The following DLGAP1 variants were observed in gnomAD, a reference collection of about 807,000 sequenced individuals.
DLGAP1 encodes disks large-associated protein 1.
In DLGAP1, 11 loss-of-function variants were observed where a neutral mutation model predicts 90.8. The observed-to-expected ratio is 0.12, with a 90% CI of 0.08 to 0.20. The LOEUF (loss-of-function observed/expected upper bound fraction) is 0.20. Ranked by LOEUF, DLGAP1 falls within the 10% of genes least tolerant of loss-of-function variation. The pLI is 1.00. For synonymous variants in DLGAP1, 558 were observed against 540.7 expected (o/e 1.03, Z -0.44); for missense variants, 1,050 against 1,333.8 (o/e 0.79, Z 3.31).
At chr18:3,530,110 T>C (rs746627152) in intron 10 of DLGAP1, among the ~76,000 whole-genome samples, 1 of 152,162 alleles carries the variant, frequency 6.6e-6, no homozygotes, top group Non-Finnish European at 1.5e-5. Context: ...AGAGTCCTGT[T>C]GAAAGCCAGC....
chr18:4,327,565 ATTC>A (rs957362350), intron 1 of DLGAP1, among the ~76,000 whole-genome samples: 164 of 152,188 alleles, frequency 1.1e-3, no homozygotes, highest in African/African-American at 3.8e-3. Context: ...ATATAAACTT[ATTC>A]TTCTATTGAA....
chr18:3,595,535 G>T (rs1490736799), intron 7 of DLGAP1, among the ~76,000 whole-genome samples: 1 of 152,210 alleles, frequency 6.6e-6, no homozygotes, highest in African/African-American at 2.4e-5. Context: ...CATTTGGCTA[G>T]TATGTGCCTG....
intron 2 of DLGAP1, among the ~76,000 whole-genome samples, chr18:4,055,137 AG>A (rs1568371618): frequency 6.6e-6 from 1 of 152,182 alleles, no homozygotes; most frequent in East Asian, 1.9e-4. Flanking sequence ...ATGAGCAGTG[AG>A]GTTGGCACAG....
At chr18:3,518,697 G>A (rs1223014346) in intron 10 of DLGAP1, among the ~76,000 whole-genome samples, 1 of 152,060 alleles carries the variant, frequency 6.6e-6, no homozygotes, top group Non-Finnish European at 1.5e-5. Context: ...TTCCTTTAAT[G>A]GCCATAATAT....
intron 1 of DLGAP1, among the ~76,000 whole-genome samples, chr18:4,365,060 C>A (rs1034201683): frequency 6.6e-6 from 1 of 151,986 alleles, no homozygotes; most frequent in Non-Finnish European, 1.5e-5. Context: ...TAAGCAAAAC[C>A]CTCCATGGAT....
chr18:3,874,798 C>A, intron 4 of DLGAP1: 2 of 1,372,112 alleles, frequency 1.5e-6, no homozygotes, highest in African/African-American at 1.5e-5. Context: ...TTAAAAATAA[C>A]AATATTGGAA....
intron 7 of DLGAP1, among the ~76,000 whole-genome samples, chr18:3,657,527 C>T (rs755257382): frequency 3.3e-5 from 5 of 151,832 alleles, no homozygotes; most frequent in Non-Finnish European, 5.9e-5. Flanking sequence ...ATGTGGCACA[C>T]AGTCTATAAG....
At chr18:4,263,779 T>G (rs1005224551) in intron 1 of DLGAP1, among the ~76,000 whole-genome samples, 1 of 150,968 alleles carries the variant, frequency 6.6e-6, no homozygotes, top group Non-Finnish European at 1.5e-5. Flanking sequence ...TTGTACATCA[T>G]CTTTGTATTT....
At chr18:4,242,557 A>C (rs1214661340) in intron 1 of DLGAP1, among the ~76,000 whole-genome samples, 2 of 152,206 alleles carry the variant, frequency 1.3e-5, no homozygotes, top group African/African-American at 2.4e-5. Flanking sequence ...GGCAGAACAA[A>C]GGGACCTTGC....
At chr18:3,812,112 G>A (rs1222391681) in intron 5 of DLGAP1, among the ~76,000 whole-genome samples, 1 of 152,110 alleles carries the variant, frequency 6.6e-6, no homozygotes. Flanking sequence ...TGACTTTCTT[G>A]CCCATTGCAA....
At chr18:3,748,302 C>T (rs1351772002) in intron 5 of DLGAP1, among the ~76,000 whole-genome samples, 3 of 152,168 alleles carry the variant, frequency 2.0e-5, no homozygotes, top group Admixed American at 1.3e-4. Flanking sequence ...GCTGCCATTG[C>T]GAAGAAGAGC....
rs78443737 is a variant in DLGAP1, at chr18:4,407,247, G to A, written c.-267+47759C>T. Among the ~76,000 whole-genome samples, 337 of 152,314 alleles carry A rather than the reference G, an allele frequency of 2.2e-3. 1 individual carries two copies. The highest frequency in any genetic ancestry group is 7.4e-3 in the African/African-American group (308 of 41,576). ...GCTGTAAAAAAACAAGGTAATTGGG[G>A]ATGGGAAGACTTTTAATTCTAGCCA... On this transcript the variant is annotated intron_variant, in intron 1 of 12. Transcript: ENST00000315677.
chr18:4,086,223 AG>A (rs1324514847), intron 2 of DLGAP1, among the ~76,000 whole-genome samples: 1 of 152,152 alleles, frequency 6.6e-6, no homozygotes, highest in Non-Finnish European at 1.5e-5. Context: ...GAGAAAAAGA[AG>A]GTTCAAAAGG....
intron 7 of DLGAP1, among the ~76,000 whole-genome samples, chr18:3,643,895 A>G (rs1297480679): frequency 1.3e-5 from 2 of 152,080 alleles, no homozygotes; most frequent in East Asian, 3.9e-4. Flanking sequence ...ACGGAGGGTA[A>G]TTTGGCAGAC....
intron 1 of DLGAP1, among the ~76,000 whole-genome samples, chr18:4,290,825 CCA>C (rs1206488664): frequency 6.6e-6 from 1 of 151,874 alleles, no homozygotes; most frequent in African/African-American, 2.4e-5. Flanking sequence ...AAAACCAAAC[CCA>C]CATGTGGTCT....
At chr18:4,271,176 C>T (rs1017381126) in intron 1 of DLGAP1, among the ~76,000 whole-genome samples, 1 of 152,150 alleles carries the variant, frequency 6.6e-6, no homozygotes, top group African/African-American at 2.4e-5. Flanking sequence ...TTACAAAGAA[C>T]TCAAGCTCAG....
At chr18:3,537,272 C>T (rs1041343920) in intron 9 of DLGAP1, among the ~76,000 whole-genome samples, 1 of 152,226 alleles carries the variant, frequency 6.6e-6, no homozygotes, top group Non-Finnish European at 1.5e-5. Context: ...CCTCCTCCCC[C>T]TGGCCCCAGG....
At chr18:4,180,635 G>T (rs1256206977) in intron 1 of DLGAP1, among the ~76,000 whole-genome samples, 5 of 152,112 alleles carry the variant, frequency 3.3e-5, no homozygotes, top group African/African-American at 1.2e-4. Context: ...CTAGTACAAA[G>T]AATATGCATA....
intron 1 of DLGAP1, among the ~76,000 whole-genome samples, chr18:4,444,461 ACT>A: frequency 6.6e-6 from 1 of 152,112 alleles, no homozygotes; most frequent in South Asian, 2.1e-4. Flanking sequence ...ATGAGCCTCT[ACT>A]CATTATAGGA....
Sources: gnomAD v4.1 joint callset for allele counts (sites outside exome capture counted in the v4.1 genomes callset) on GRCh38, gnomAD v4.1.1 for gene constraint, MANE v1.5 for transcripts, NCBI Gene and HGNC (gene_info 2026-07-23, HGNC 2026-07-21) for gene names.